HCN1: variants seen among roughly 807,000 people sequenced by gnomAD.
The protein encoded by HCN1 is hyperpolarization activated cyclic nucleotide gated potassium channel 1, also known as potassium/sodium hyperpolarization-activated cyclic nucleotide-gated channel 1.
Under a neutral mutation model 78.9 loss-of-function variants are expected in HCN1, and 13 were observed. That is an observed-to-expected ratio of 0.16 (90% CI 0.11 to 0.26). HCN1 has a LOEUF of 0.26. HCN1 is among the 10% of genes least tolerant of loss of function. The probability of loss-of-function intolerance (pLI) is 1.00; values close to 1 mark genes in which losing one functional copy is unlikely to be tolerated. For synonymous variants in HCN1, 552 were observed against 455.5 expected (o/e 1.21, Z -2.70); for missense variants, 810 against 1,154.3 (o/e 0.70, Z 4.32).
intron 2 of HCN1, among the ~76,000 whole-genome samples, chr5:45,484,520 G>T (rs1741720875): frequency 2.0e-5 from 3 of 152,104 alleles, no homozygotes; most frequent in Non-Finnish European, 4.4e-5. Context: ...CTCAAAGAGG[G>T]GGTCCCCTTG....
At chr5:45,396,238 T>C (rs1579866793) in intron 4 of HCN1, among the ~76,000 whole-genome samples, 1 of 152,160 alleles carries the variant, frequency 6.6e-6, no homozygotes, top group African/African-American at 2.4e-5. Flanking sequence ...TTTTGAAATA[T>C]ATAGCTATTT....
At chr5:45,308,422 A>C (rs1446357435) in intron 5 of HCN1, among the ~76,000 whole-genome samples, 1 of 152,162 alleles carries the variant, frequency 6.6e-6, no homozygotes, top group Non-Finnish European at 1.5e-5. Context: ...TAAGAAAATA[A>C]ATATGATTTT....
intron 5 of HCN1, among the ~76,000 whole-genome samples, chr5:45,335,830 A>C (rs1746442563): frequency 6.6e-6 from 1 of 152,082 alleles, no homozygotes; most frequent in African/African-American, 2.4e-5. Flanking sequence ...GATGAGAAAA[A>C]TGAAGTACAC....
intron 5 of HCN1, among the ~76,000 whole-genome samples, chr5:45,343,771 A>G (rs1030552666): frequency 3.3e-5 from 5 of 152,106 alleles, no homozygotes; most frequent in African/African-American, 1.2e-4. Context: ...GAGATAATAT[A>G]AATAAAAGAT....
intron 2 of HCN1, among the ~76,000 whole-genome samples, chr5:45,482,430 T>C (rs1015385526): frequency 2.6e-5 from 4 of 151,868 alleles, no homozygotes; most frequent in Non-Finnish European, 4.4e-5. Context: ...CCCCTTAACA[T>C]CCTGGAGTTG....
At chr5:45,360,659 T>C (rs1237441728) in intron 4 of HCN1, among the ~76,000 whole-genome samples, 1 of 152,068 alleles carries the variant, frequency 6.6e-6, no homozygotes, top group Non-Finnish European at 1.5e-5. Flanking sequence ...TAAAAATGTG[T>C]TGCTGGTTAT....
chr5:45,614,018 T>G (rs892788993), intron 2 of HCN1, among the ~76,000 whole-genome samples: 10 of 152,162 alleles, frequency 6.6e-5, no homozygotes, highest in African/African-American at 2.4e-4. Flanking sequence ...AGGTTTATTC[T>G]TGTTATGTAT....
intron 3 of HCN1, among the ~76,000 whole-genome samples, chr5:45,454,259 C>A (rs943561382): frequency 2.6e-5 from 4 of 152,044 alleles, no homozygotes; most frequent in Non-Finnish European, 5.9e-5. Context: ...AGTATGTGAA[C>A]CCTTTCCCTT....
At chr5:45,552,050 T>C (rs1212651426) in intron 2 of HCN1, among the ~76,000 whole-genome samples, 5 of 151,918 alleles carry the variant, frequency 3.3e-5, no homozygotes, top group African/African-American at 1.2e-4. Context: ...CACCTCAGGA[T>C]TATCTTATAT....
intron 3 of HCN1, among the ~76,000 whole-genome samples, chr5:45,429,367 C>T (rs1357174789): frequency 6.6e-6 from 1 of 152,108 alleles, no homozygotes; most frequent in East Asian, 1.9e-4. Flanking sequence ...GCTTCTCAAC[C>T]GGGGCTAGAT....
At chr5:45,498,498 C>G (rs1742103099) in intron 2 of HCN1, among the ~76,000 whole-genome samples, 1 of 152,032 alleles carries the variant, frequency 6.6e-6, no homozygotes, top group Non-Finnish European at 1.5e-5. Context: ...TAACTTTTTT[C>G]AAAGTTTTCA....
chr5:45,694,255 T>C (rs570760019), intron 1 of HCN1, among the ~76,000 whole-genome samples: 1 of 152,248 alleles, frequency 6.6e-6, no homozygotes, highest in African/African-American at 2.4e-5. Flanking sequence ...TTAGGTTTTA[T>C]AAGTTCTCCT....
chr5:45,627,743 A>G (rs1402664754), intron 2 of HCN1, among the ~76,000 whole-genome samples: 1 of 152,188 alleles, frequency 6.6e-6, no homozygotes, highest in Non-Finnish European at 1.5e-5. Context: ...ATATAGTTTT[A>G]TCTGTGAATA....
intron 2 of HCN1, among the ~76,000 whole-genome samples, chr5:45,632,769 G>A (rs1745290666): frequency 6.6e-6 from 1 of 151,960 alleles, no homozygotes; most frequent in Non-Finnish European, 1.5e-5. Flanking sequence ...ATCAATACAT[G>A]GATTCTCTGA....
chr5:45,415,290 C>A lies in HCN1; in HGVS notation c.1012-18580G>T, dbSNP rs546114349. ...TTGCCATCTCAGTTTAACTCCCTTTCAGTCCATTCTTCAAAGCATCTAGTT... is the reference window on the plus strand; with the variant it reads ...TTGCCATCTCAGTTTAACTCCCTTTAAGTCCATTCTTCAAAGCATCTAGTT... On this transcript the variant is annotated intron_variant, in intron 3 of 7. Transcript: ENST00000303230. Among the ~76,000 whole-genome samples the A allele has an allele frequency of 2.4e-4, 36 of 152,082 alleles. No homozygotes were observed. The East Asian group carries it at 5.4e-3, about 23-fold the overall frequency.
At chr5:45,592,085 T>G (rs913658402) in intron 2 of HCN1, among the ~76,000 whole-genome samples, 4 of 152,166 alleles carry the variant, frequency 2.6e-5, no homozygotes, top group Non-Finnish European at 5.9e-5. Flanking sequence ...CTATACTCCA[T>G]TGTCAAAAAT....
chr5:45,480,709 C>T (rs540720876), intron 2 of HCN1, among the ~76,000 whole-genome samples: 61 of 152,260 alleles, frequency 4.0e-4, no homozygotes, highest in African/African-American at 1.3e-3. Flanking sequence ...TGATTCTATT[C>T]AATGTTATTA....
chr5:45,315,465 A>C (rs914080531), intron 5 of HCN1, among the ~76,000 whole-genome samples: 1 of 152,216 alleles, frequency 6.6e-6, no homozygotes, highest in Non-Finnish European at 1.5e-5. Context: ...GAAAGCAGGA[A>C]AGTTCTAAAA....
intron 3 of HCN1, among the ~76,000 whole-genome samples, chr5:45,413,571 G>A (rs1265468181): frequency 6.6e-4 from 100 of 151,976 alleles, no homozygotes; most frequent in Non-Finnish European, 2.9e-5. Context: ...CCATGCAGGA[G>A]CAAATTGCGT....
Sources: allele counts gnomAD v4.1 joint callset (sites outside exome capture counted in the v4.1 genomes callset), GRCh38; gene constraint gnomAD v4.1.1; transcripts MANE v1.5; gene names NCBI Gene and HGNC (gene_info 2026-07-23, HGNC 2026-07-21).